The following SV2C variants were observed in gnomAD, a reference collection of about 807,000 sequenced individuals.
SV2C encodes the protein synaptic vesicle glycoprotein 2C, also known as solute carrier family 22 member B3.
In SV2C, 49 loss-of-function variants were observed where a neutral mutation model predicts 79.7. The ratio of observed to expected loss-of-function variants is 0.61; its 90% CI spans 0.49 to 0.78. SV2C has a LOEUF of 0.78. Among genes scored for constraint, SV2C ranks in the 30% least tolerant of loss-of-function variants. The pLI is 0.00. For synonymous variants in SV2C, 334 were observed against 333.2 expected (o/e 1.00, Z -0.03); for missense variants, 833 against 912.9 (o/e 0.91, Z 1.13).
chr5:75,955,220 G>C, the SV2C span, among the ~76,000 whole-genome samples: 40 of 151,360 alleles, frequency 2.6e-4, 1 homozygote, highest in East Asian at 7.4e-3. Context: ...GAACAGAACA[G>C]AGCCCTCAGA....
the SV2C span, among the ~76,000 whole-genome samples, chr5:75,879,396 A>G: frequency 6.6e-6 from 1 of 152,224 alleles, no homozygotes; most frequent in Non-Finnish European, 1.5e-5. Context: ...ACAATGGGAT[A>G]CAGACATTGG....
the SV2C span, among the ~76,000 whole-genome samples, chr5:75,920,008 G>C: frequency 1.3e-5 from 2 of 152,162 alleles, no homozygotes; most frequent in East Asian, 1.9e-4. Flanking sequence ...ATTGCCTTTG[G>C]GTATGGTCTC....
the SV2C span, among the ~76,000 whole-genome samples, chr5:76,077,860 T>G: frequency 6.6e-6 from 1 of 152,212 alleles, no homozygotes. Flanking sequence ...AGAGGTGGCC[T>G]CTTAAACTTT....
At chr5:76,070,612 GGT>G in the SV2C span, among the ~76,000 whole-genome samples, 3 of 152,172 alleles carry the variant, frequency 2.0e-5, no homozygotes, top group Admixed American at 2.0e-4. Context: ...TGGGAAGGGT[GGT>G]ATGTAGAAGG....
At chr5:76,149,451 C>T (rs940360972) in intron 2 of SV2C, among the ~76,000 whole-genome samples, 1 of 152,222 alleles carries the variant, frequency 6.6e-6, no homozygotes. Context: ...GCTGAGGCTG[C>T]TGGTTGTGAA....
the SV2C span, among the ~76,000 whole-genome samples, chr5:76,073,503 G>GTATATATATATATATATA: frequency 7.4e-5 from 5 of 67,412 alleles, no homozygotes; most frequent in Non-Finnish European, 1.1e-4. Context: ...GTATGTGTGT[G>GTATATATATATATATATA]TATATATATA....
the SV2C span, among the ~76,000 whole-genome samples, chr5:75,991,650 T>A: frequency 1.3e-5 from 2 of 148,894 alleles, no homozygotes; most frequent in Admixed American, 6.8e-5. Context: ...AGATATATAT[T>A]TGCAAAACCA....
the SV2C span, chr5:75,910,936 C>T: frequency 2.2e-6 from 2 of 910,860 alleles, no homozygotes; most frequent in Non-Finnish European, 3.7e-6. Flanking sequence ...GACTATCAAG[C>T]AGCAGCAGGC....
chr5:76,331,997 A>T lies in SV2C; in HGVS notation c.*6450A>T, dbSNP rs1749201394. 6.6e-6 allele frequency: 1 copy of T among 152,232 alleles called. No homozygotes were observed. Among genetic ancestry groups the T allele is most frequent in the African/African-American group, 2.4e-5 (1 of 41,430 alleles). The allele number at this position is 152,232 out of a possible 1,614,324, so 9.4% of individuals were successfully genotyped here. A position where few individuals can be genotyped will look rare whatever the true frequency, so the allele number is the denominator to read the frequency against. ...TGAGAGCTCAGCGTTTGACTCCTGA[A>T]AGACCAGGATGTTCCTACCTGGGTT... On this transcript the variant is annotated 3_prime_UTR_variant, in exon 13 of 13. Coordinates refer to ENST00000502798, the MANE Select transcript of SV2C (RefSeq NM_014979.4).
chr5:75,986,433 A>G, the SV2C span, among the ~76,000 whole-genome samples: 1 of 151,848 alleles, frequency 6.6e-6, no homozygotes, highest in East Asian at 1.9e-4. Flanking sequence ...AGGCTAGAAA[A>G]GGCAAGAAAA....
chr5:76,171,640 C>G (rs1473056935), intron 2 of SV2C, among the ~76,000 whole-genome samples: 1 of 145,070 alleles, frequency 6.9e-6, no homozygotes, highest in African/African-American at 2.5e-5. Context: ...CCCGGCCAGC[C>G]GCCCCATCCG....
intron 4 of SV2C, among the ~76,000 whole-genome samples, chr5:76,211,841 TG>T (rs1335749926): frequency 6.6e-6 from 1 of 152,226 alleles, no homozygotes; most frequent in Admixed American, 6.5e-5. Context: ...CGCTTTCTTT[TG>T]ATGAACCTGA....
chr5:76,185,677 C>A (rs1743891812), intron 2 of SV2C, among the ~76,000 whole-genome samples: 1 of 152,268 alleles, frequency 6.6e-6, no homozygotes, highest in Admixed American at 6.5e-5. Flanking sequence ...TTCAGGGCAC[C>A]ATGTTCCAAG....
At chr5:76,153,852 T>C (rs992056053) in intron 2 of SV2C, among the ~76,000 whole-genome samples, 1 of 152,198 alleles carries the variant, frequency 6.6e-6, no homozygotes, top group African/African-American at 2.4e-5. Flanking sequence ...GATCTGTCAG[T>C]TAGGAATTTA....
the SV2C span, among the ~76,000 whole-genome samples, chr5:75,955,989 G>C: frequency 6.7e-6 from 1 of 149,420 alleles, no homozygotes; most frequent in Admixed American, 6.7e-5. Context: ...TCAGTGTGGC[G>C]ATTCCTCAGG....
chr5:76,269,705 G>T (rs895299393), intron 4 of SV2C, among the ~76,000 whole-genome samples: 1 of 152,160 alleles, frequency 6.6e-6, no homozygotes, highest in African/African-American at 2.4e-5. Flanking sequence ...GTCAAAGCTG[G>T]TTTTACATCC....
the SV2C span, among the ~76,000 whole-genome samples, chr5:75,903,140 G>T: frequency 6.6e-6 from 1 of 152,118 alleles, no homozygotes; most frequent in African/African-American, 2.4e-5. Flanking sequence ...TTAAATACTT[G>T]TCTCTCTTAT....
chr5:76,166,821 C>G (rs1244546679), intron 2 of SV2C, among the ~76,000 whole-genome samples: 3 of 152,208 alleles, frequency 2.0e-5, no homozygotes, highest in Non-Finnish European at 4.4e-5. Flanking sequence ...CTTTCAACAG[C>G]AGAGATGTTT....
chr5:75,924,391 C>T, the SV2C span, among the ~76,000 whole-genome samples: 1 of 151,930 alleles, frequency 6.6e-6, no homozygotes, highest in African/African-American at 2.4e-5. Flanking sequence ...CATCTGTACC[C>T]CAAAAACTAT....
Sources: allele counts gnomAD v4.1 joint callset (sites outside exome capture counted in the v4.1 genomes callset), GRCh38; gene constraint gnomAD v4.1.1; transcripts MANE v1.5; gene names NCBI Gene and HGNC (gene_info 2026-07-23, HGNC 2026-07-21).